GFPT2: variants seen among roughly 807,000 people sequenced by gnomAD.
GFPT2 encodes glutamine--fructose-6-phosphate aminotransferase [isomerizing] 2.
A neutral mutation model predicts 85.6 loss-of-function variants in GFPT2; 62 were observed. That is an observed-to-expected ratio of 0.72 (90% confidence interval 0.59 to 0.90). The LOEUF (loss-of-function observed/expected upper bound fraction) is 0.90, where lower values mean the gene tolerates loss of function less well. Among genes scored for constraint, GFPT2 ranks in the 40% least tolerant of loss-of-function variants. GFPT2 has a pLI of 0.00. For synonymous variants in GFPT2, 368 were observed against 344.5 expected (o/e 1.07, Z -0.75); for missense variants, 788 against 893.4 (o/e 0.88, Z 1.50).
chr5:180,304,687 C>CA lies in GFPT2; in HGVS notation c.1842+84dup, dbSNP rs900629862. On this transcript the variant is annotated intron_variant, in intron 17 of 18. Coordinates refer to ENST00000253778, the MANE Select transcript of GFPT2 (RefSeq NM_005110.4). ...GCCACTCACTGGCCAGACCATCCAT[C>CA]ACTGGTACTGGCAGACAGTGGTGAG... The CA allele has an allele frequency of 4.0e-6, 5 of 1,239,442 alleles. No homozygotes were observed. In the African/African-American group the frequency reaches 7.4e-5, roughly 18 times the overall value. The allele number at this position is 1,239,442 out of a possible 1,614,324, so 76.8% of individuals were successfully genotyped here.
chr5:180,325,423 G>A lies in GFPT2; in HGVS notation c.597-528C>T, dbSNP rs996433851. On this transcript the variant is annotated intron_variant, in intron 7 of 18. Transcript: ENST00000253778. ...CTTTTGTATATTCTCTACTTTGTAG[G>A]TGACATAAGGTGATTTCTTGGGTGG... Among the ~76,000 whole-genome samples, 3 of 152,214 alleles carry A rather than the reference G, an allele frequency of 2.0e-5. No homozygotes were observed. The East Asian group carries it at 5.8e-4, about 29-fold the overall frequency.
intron 9 of GFPT2, among the ~76,000 whole-genome samples, chr5:180,322,983 C>T (rs1023892299): frequency 6.0e-5 from 9 of 150,718 alleles, no homozygotes; most frequent in East Asian, 2.0e-4. Flanking sequence ...TGCAGTGAGC[C>T]GAGATCACAC....
chr5:180,320,078 T>C (rs1431408132), intron 9 of GFPT2, among the ~76,000 whole-genome samples: 4 of 152,084 alleles, frequency 2.6e-5, no homozygotes, highest in African/African-American at 4.8e-5. Context: ...CTGCAAGCTC[T>C]GCCTCCCGGG....
intron 1 of GFPT2, chr5:180,352,534 G>A (rs748323315): frequency 2.3e-6 from 1 of 444,188 alleles, no homozygotes; most frequent in Non-Finnish European, 4.5e-6. Context: ...CGGACGCCCG[G>A]CCCCGCTCCC....
chr5:180,320,510 C>A (rs987694881), intron 9 of GFPT2, among the ~76,000 whole-genome samples: 1 of 152,116 alleles, frequency 6.6e-6, no homozygotes, highest in African/African-American at 2.4e-5. Context: ...CCCTGGCTCA[C>A]ACCTGTAATC....
rs554957580 is a variant in GFPT2, at chr5:180,328,953, A to G, written c.535-615T>C. ...TACTGCTATTATCCTTTCCATGGATACGACTGCCACCTGCCCTCTGGGCCT... is the reference window on the plus strand; with the variant it reads ...TACTGCTATTATCCTTTCCATGGATGCGACTGCCACCTGCCCTCTGGGCCT... On this transcript the variant is annotated intron_variant, in intron 6 of 18. Coordinates refer to ENST00000253778, the MANE Select transcript of GFPT2 (RefSeq NM_005110.4). This position sits in a 1 kb window ranked among gnomAD's most constrained non-coding sequence, Gnocchi z 5.4. Among the ~76,000 whole-genome samples the G allele has an allele frequency of 1.3e-5, 2 of 152,344 alleles. No individual in the cohort carries two copies. Among genetic ancestry groups the G allele is most frequent in the South Asian group, 4.1e-4 (2 of 4,832 alleles).
chr5:180,321,433 G>A (rs1764117851), intron 9 of GFPT2, among the ~76,000 whole-genome samples: 1 of 152,226 alleles, frequency 6.6e-6, no homozygotes, highest in African/African-American at 2.4e-5. Flanking sequence ...TGGACTCGGG[G>A]CCTCTGTCAC....
chr5:180,301,726 C>CCTAG (rs1763676795), intron 18 of GFPT2, 118 bp from the exon 19 acceptor site: 1 of 814,810 alleles, frequency 1.2e-6, no homozygotes, highest in Non-Finnish European at 2.1e-6. Context: ...TGGTCACCAA[C>CCTAG]CTAGAGACCT....
rs766622009 is a variant in GFPT2, at chr5:180,316,811, G to A, written c.1105C>T (p.Arg369Trp). 5.6e-6 allele frequency: 9 copies of A among 1,613,942 alleles called. No homozygotes were observed. Among genetic ancestry groups the A allele is most frequent in the East Asian group, 2.2e-5 (1 of 44,882 alleles). Residue 369 changes from arginine to tryptophan, a missense_variant, in exon 12 of 19, where the codon CGG (arginine) becomes TGG (tryptophan). Transcript: ENST00000253778. The stretch of plus-strand genomic sequence containing the variant: ...GTTCCACAGCCAATCACGATGAGCC[G>A]TCGGCATCGTCGAATCTCCTTCAAG... ...DHLKEIRRCR[R>W]LIVIGCGTSY... is the part of the protein sequence containing the mutation.
intron 15 of GFPT2, among the ~76,000 whole-genome samples, chr5:180,310,355 G>A (rs930144639): frequency 1.3e-5 from 2 of 150,790 alleles, no homozygotes; most frequent in Non-Finnish European, 1.5e-5. Flanking sequence ...TGCCCACCTC[G>A]GCCTCCCAAA....
At chr5:180,342,028 T>C (rs1764526232) in intron 1 of GFPT2, among the ~76,000 whole-genome samples, 1 of 152,240 alleles carries the variant, frequency 6.6e-6, no homozygotes, top group Non-Finnish European at 1.5e-5. Flanking sequence ...TTTCCCATGC[T>C]GTTCTCGTGA....
At chr5:180,320,023 C>A (rs532754201) in intron 9 of GFPT2, among the ~76,000 whole-genome samples, 1 of 152,216 alleles carries the variant, frequency 6.6e-6, no homozygotes, top group Admixed American at 6.5e-5. Context: ...GACAGAGTCT[C>A]GCTCTGTCGC....
At chr5:180,353,046 G>T in intron 1 of GFPT2, 165 bp downstream of exon 1, 1 of 486,670 alleles carries the variant, frequency 2.1e-6, no homozygotes, top group Non-Finnish European at 3.2e-6. Flanking sequence ...CGGGTGAGGG[G>T]CAGCCAGGCC....
chr5:180,344,350 T>C (rs1463937503), intron 1 of GFPT2, among the ~76,000 whole-genome samples: 1 of 152,170 alleles, frequency 6.6e-6, no homozygotes, highest in African/African-American at 2.4e-5. Flanking sequence ...TTTAGATGGT[T>C]AAGACATTTC....
chr5:180,308,173 G>A (rs867478053), intron 15 of GFPT2, among the ~76,000 whole-genome samples: 9 of 151,812 alleles, frequency 5.9e-5, no homozygotes, highest in East Asian at 1.9e-4. Flanking sequence ...GGAGAGTGGC[G>A]TGAACCTGGG....
Position 180,316,138 on chromosome 5 carries a change from CCT to C in GFPT2, c.1273+201_1273+202del, listed in dbSNP as rs542656438. Among the ~76,000 whole-genome samples, 646 of 151,970 alleles carry C rather than the reference CCT, an allele frequency of 4.3e-3. 2 individuals carry two copies. Among genetic ancestry groups the C allele is most frequent in the Non-Finnish European group, 6.8e-3 (463 of 67,776 alleles). On this transcript the variant is annotated intron_variant, in intron 13 of 18. Coordinates refer to ENST00000253778, the MANE Select transcript of GFPT2 (RefSeq NM_005110.4). ...TCCAGCCCAATCCCAGCTGTCACCC[CCT>C]GACTGCATGGCCTTAGACATCTCTT...
At chr5:180,311,250 G>A (rs1763875882) in intron 15 of GFPT2, among the ~76,000 whole-genome samples, 2 of 152,218 alleles carry the variant, frequency 1.3e-5, no homozygotes, top group Admixed American at 6.5e-5. Flanking sequence ...GGCGAGGCTC[G>A]ATTCATCTCC....
Position 180,343,047 on chromosome 5 carries a change from T to G in GFPT2, c.8-4447A>C, listed in dbSNP as rs529321782. 6.5e-4 allele frequency among the ~76,000 whole-genome samples: 99 copies of G among 152,316 alleles called. 3 individuals are homozygous for G. The South Asian group carries it at 0.02, about 30-fold the overall frequency. Reference sequence around the variant, plus strand: ...CTCAATAAAATCTGTTAGAGTCTTTTACACTGAACTTTCCTGGCATCCTGG... The same window carrying G: ...CTCAATAAAATCTGTTAGAGTCTTTGACACTGAACTTTCCTGGCATCCTGG... On this transcript the variant is annotated intron_variant, in intron 1 of 18. Coordinates refer to ENST00000253778, the MANE Select transcript of GFPT2 (RefSeq NM_005110.4).
Position 180,330,737 on chromosome 5 carries a change from G to T in GFPT2, c.497C>A (p.Thr166Lys). 1 of 1,612,828 alleles carries T rather than the reference G, an allele frequency of 6.2e-7. No homozygotes were observed. Among genetic ancestry groups the T allele is most frequent in the South Asian group, 1.1e-5 (1 of 91,056 alleles). The change falls in exon 6 of 19, where the codon ACG becomes AAG. Residue 166 changes from threonine (T) to lysine (K), a missense_variant. Physicochemically the swap from Thr to Lys is moderately conservative, Grantham distance 78. Coordinates refer to ENST00000253778, the MANE Select transcript of GFPT2 (RefSeq NM_005110.4). This position sits in a 1 kb window ranked among gnomAD's most constrained non-coding sequence, Gnocchi z 4.4. Reference protein sequence around the residue: ...VFDNRETEDITFSTLVERVIQ... With the variant: ...VFDNRETEDIKFSTLVERVIQ... ...GACTCTCTCGACCAACGTTGAAAAC[G>T]TAATGTCCTCAGTTTCTCTGTTGTC...
Sources: gnomAD v4.1 joint callset for allele counts (sites outside exome capture counted in the v4.1 genomes callset) on GRCh38, gnomAD v4.1.1 for gene constraint, Gnocchi (gnomAD v3.1) non-coding constraint, MANE v1.5 for transcripts, NCBI Gene and HGNC (gene_info 2026-07-23, HGNC 2026-07-21) for gene names.